The following ZC3H18 variants were observed in gnomAD, a reference collection of about 807,000 sequenced individuals.
The protein encoded by ZC3H18 is zinc finger CCCH domain-containing protein 18.
Under a neutral mutation model 106.1 loss-of-function variants are expected in ZC3H18, and 8 were observed. The ratio of observed to expected loss-of-function variants is 0.08; its 90% CI spans 0.04 to 0.14. The LOEUF (loss-of-function observed/expected upper bound fraction) is 0.14. Among genes scored for constraint, ZC3H18 ranks in the 10% least tolerant of loss-of-function variants. ZC3H18 has a pLI of 1.00. For missense variants in ZC3H18, 1,318 were observed against 1,278.4 expected (o/e 1.03, Z -0.47); for synonymous variants, 635 against 522.1 (o/e 1.22, Z -2.95).
Position 88,627,832 on chromosome 16 carries a change from G to A in ZC3H18, c.2269+50G>A. On this transcript the variant is annotated intron_variant, in intron 14 of 17. Transcript: ENST00000301011. This position sits in a 1 kb window ranked among gnomAD's most constrained non-coding sequence, Gnocchi z 4.5. ...GGGGAGCAGCTCCCGGGGGAGGAGG[G>A]CGGCATCAGCACAGACTTTGCCTGG... 1 of 1,610,564 alleles carries A rather than the reference G, an allele frequency of 6.2e-7. No individual in the cohort carries two copies. The highest frequency in any genetic ancestry group is 8.5e-7 in the Non-Finnish European group (1 of 1,177,494).
intron 3 of ZC3H18, among the ~76,000 whole-genome samples, chr16:88,588,772 T>TG (rs1567581617): frequency 6.6e-6 from 1 of 150,956 alleles, no homozygotes; most frequent in Non-Finnish European, 1.5e-5. Context: ...CCCAGCTACG[T>TG]GGGGGGTGGG....
chr16:88,609,824 C>G (rs1165772351), intron 7 of ZC3H18, among the ~76,000 whole-genome samples: 1 of 152,188 alleles, frequency 6.6e-6, no homozygotes, highest in African/African-American at 2.4e-5. Context: ...TGGTCTCAAA[C>G]TTCCGATCTC....
intron 1 of ZC3H18, among the ~76,000 whole-genome samples, chr16:88,572,462 C>G (rs1276373523): frequency 6.6e-6 from 1 of 151,962 alleles, no homozygotes; most frequent in Non-Finnish European, 1.5e-5. Flanking sequence ...AGTTTTTTGT[C>G]ATGTATTCAA....
chr16:88,631,478 T>TC lies in ZC3H18; in HGVS notation c.*182dup. 2.4e-6 allele frequency: 2 copies of TC among 826,976 alleles called. No individual in the cohort carries two copies. Among genetic ancestry groups the TC allele is most frequent in the Admixed American group, 4.7e-5 (2 of 42,604 alleles). 51.2% of individuals were successfully genotyped at this position (826,976 alleles called of 1,614,324 possible). A position where few individuals can be genotyped will look rare whatever the true frequency, so the allele number is the denominator to read the frequency against. ...ATGACAACGACGCTGAATCCCAGCC[T>TC]CCCTCCCCAGAGCAGAAGTCCCGCA... On this transcript the variant is annotated 3_prime_UTR_variant, in exon 18 of 18. Coordinates refer to ENST00000301011, the MANE Select transcript of ZC3H18 (RefSeq NM_144604.4).
intron 1 of ZC3H18, among the ~76,000 whole-genome samples, chr16:88,572,769 A>G (rs796402412): frequency 2.0e-5 from 3 of 151,304 alleles, no homozygotes; most frequent in African/African-American, 7.3e-5. Flanking sequence ...CCTTATTACT[A>G]TTTTTTGAAA....
chr16:88,608,794 T>TAACCTTGAGCC (rs1905135611), intron 6 of ZC3H18, 140 bp from the exon 7 acceptor site: 1 of 619,300 alleles, frequency 1.6e-6, no homozygotes, highest in South Asian at 2.4e-5. Context: ...ACAGATTTCC[T>TAACCTTGAGCC]AACCTTGAGC....
intron 6 of ZC3H18, among the ~76,000 whole-genome samples, chr16:88,602,067 C>G (rs1010994875): frequency 2.6e-5 from 4 of 152,238 alleles, no homozygotes; most frequent in Non-Finnish European, 4.4e-5. Context: ...AAGGAAGGAG[C>G]TGCACTGCAA....
intron 1 of ZC3H18, among the ~76,000 whole-genome samples, chr16:88,573,342 A>G (rs1000402179): frequency 2.0e-5 from 3 of 152,020 alleles, no homozygotes; most frequent in Non-Finnish European, 2.9e-5. Context: ...ACTAATGTCG[A>G]TAGCTAGGCA....
chr16:88,608,751 G>T, intron 6 of ZC3H18, 183 bp from the exon 7 acceptor site: 1 of 495,814 alleles, frequency 2.0e-6, no homozygotes. Context: ...AGAACCCTTT[G>T]ACTTCTGGCC....
chr16:88,579,318 A>T (rs1914963495), intron 2 of ZC3H18, among the ~76,000 whole-genome samples: 1 of 151,922 alleles, frequency 6.6e-6, no homozygotes, highest in African/African-American at 2.4e-5. Flanking sequence ...TGCCCATGAG[A>T]CTGAGTTTTT....
chr16:88,631,063 G>T, intron 17 of ZC3H18, 38 bp from the exon 18 acceptor site: 1 of 1,609,414 alleles, frequency 6.2e-7, no homozygotes, highest in Non-Finnish European at 8.5e-7. Context: ...TGCAGACGTG[G>T]CTTCTGGGGG....
chr16:88,598,156 G>C, intron 3 of ZC3H18, 22 bp from the exon 4 acceptor site: 1 of 1,576,152 alleles, frequency 6.3e-7, no homozygotes, highest in Non-Finnish European at 8.6e-7. Context: ...GACCCTTTCT[G>C]ATCTCACTTT....
At chr16:88,580,728 C>T (rs892779253) in intron 2 of ZC3H18, among the ~76,000 whole-genome samples, 3 of 152,146 alleles carry the variant, frequency 2.0e-5, no homozygotes, top group Non-Finnish European at 4.4e-5. Context: ...TGGGGTGCGC[C>T]GGGTCCGTGA....
At chr16:88,631,060 G>A (rs780164176) in intron 17 of ZC3H18, 41 bp from the exon 18 acceptor site, 27 of 1,609,002 alleles carry the variant, frequency 1.7e-5, no homozygotes, top group East Asian at 4.5e-5. Flanking sequence ...ACCTGCAGAC[G>A]TGGCTTCTGG....
In ZC3H18 at chr16:88,627,208, T is replaced by G. The variant is rs1906366046; in HGVS notation, c.2109-414T>G. 1 of 156,490 alleles carries G rather than the reference T, an allele frequency of 6.4e-6. No individual in the cohort carries two copies. The highest frequency in any genetic ancestry group is 2.0e-4 in the South Asian group (1 of 5,078). 9.7% of individuals were successfully genotyped at this position (156,490 alleles called of 1,614,324 possible). A position where few individuals can be genotyped will look rare whatever the true frequency, so the allele number is the denominator to read the frequency against. On this transcript the variant is annotated intron_variant, in intron 13 of 17. Transcript: ENST00000301011. The surrounding 1 kb of genome is among the most constrained non-coding windows in gnomAD (Gnocchi z 4.5). ...CCTCAGCCTCCCCAGTAGCTGGGATTACAGGCGCCTGCGACCACGCCCGGC... is the reference window on the plus strand; with the variant it reads ...CCTCAGCCTCCCCAGTAGCTGGGATGACAGGCGCCTGCGACCACGCCCGGC...
chr16:88,598,015 G>A (rs556354055), intron 3 of ZC3H18, among the ~76,000 whole-genome samples, 163 bp from the exon 4 acceptor site: 1 of 152,310 alleles, frequency 6.6e-6, no homozygotes, highest in South Asian at 2.1e-4. Context: ...AGCCTCTCCA[G>A]GCTCATCCCG....
intron 8 of ZC3H18, among the ~76,000 whole-genome samples, chr16:88,618,386 G>T (rs746808925): frequency 1.3e-5 from 2 of 152,188 alleles, no homozygotes; most frequent in Non-Finnish European, 2.9e-5. Flanking sequence ...GGCTCAGCCC[G>T]GGGAGGCCCA....
chr16:88,598,797 G>A, intron 5 of ZC3H18, 85 bp downstream of exon 5: 1 of 1,255,352 alleles, frequency 8.0e-7, no homozygotes, highest in Non-Finnish European at 1.1e-6. Flanking sequence ...CCTCGGTCCA[G>A]AGAGAGCCCC....
Position 88,611,448 on chromosome 16 carries a change from A to G in ZC3H18, c.1387A>G (p.Lys463Glu). ...WERERAKRDE[K>E]DRQHRDRDRE... ...GCGTGAGCGAGCCAAGCGGGACGAG[A>G]AGGACCGGCAGCACCGTGACCGCGA... Residue 463 changes from lysine (K) to glutamate (E), a missense_variant, in exon 8 of 18, where the codon AAG (lysine) becomes GAG (glutamate). Around this residue, in one of 6 missense-constraint regions of ZC3H18, gnomAD observed 848 missense variants for 821.7 expected, o/e 1.03. Coordinates refer to ENST00000301011, the MANE Select transcript of ZC3H18 (RefSeq NM_144604.4). 3 of 1,526,302 alleles carry G rather than the reference A, an allele frequency of 2.0e-6. No homozygotes were observed. Among genetic ancestry groups the G allele is most frequent in the Non-Finnish European group, 2.7e-6 (3 of 1,124,066 alleles). 94.5% of individuals were successfully genotyped at this position (1,526,302 alleles called of 1,614,324 possible). A position where few individuals can be genotyped will look rare whatever the true frequency, so the allele number is the denominator to read the frequency against.
Sources: gnomAD v4.1 joint callset for allele counts (sites outside exome capture counted in the v4.1 genomes callset) on GRCh38, gnomAD v4.1.1 for gene constraint, gnomAD v4.1.1 regional missense constraint, Gnocchi (gnomAD v3.1) non-coding constraint, MANE v1.5 for transcripts, NCBI Gene and HGNC (gene_info 2026-07-23, HGNC 2026-07-21) for gene names.